The following MYO6 variants were observed in gnomAD, a reference collection of about 807,000 sequenced individuals.
MYO6 encodes myosin VI.
A neutral mutation model predicts 178.7 loss-of-function variants in MYO6; 74 were observed. The observed-to-expected ratio is 0.41, with a 90% CI of 0.34 to 0.50. The LOEUF (loss-of-function observed/expected upper bound fraction) is 0.50. Ranked by LOEUF, MYO6 falls within the 20% of genes least tolerant of loss-of-function variation. The pLI is 0.09. For missense variants in MYO6, 1,330 were observed against 1,547.4 expected (o/e 0.86, Z 2.36); for synonymous variants, 477 against 504.6 (o/e 0.95, Z 0.73).
At chr6:75,753,455 G>GTGTATATATATATATATATA (rs370647728) in intron 1 of MYO6, among the ~76,000 whole-genome samples, 54 of 140,030 alleles carry the variant, frequency 3.9e-4, no homozygotes, top group African/African-American at 1.3e-3. Context: ...GTGTGTGTGT[G>GTGTATATATATATATATATA]TATATATATA....
chr6:75,767,865 A>T (rs999720067), intron 1 of MYO6, among the ~76,000 whole-genome samples: 1 of 151,880 alleles, frequency 6.6e-6, no homozygotes, highest in African/African-American at 2.4e-5. Context: ...TCTTGCATTT[A>T]AAAAAAATGA....
chr6:75,890,018 A>G, intron 25 of MYO6, 39 bp from the exon 26 acceptor site: 3 of 1,426,894 alleles, frequency 2.1e-6, no homozygotes, highest in African/African-American at 1.4e-5. Context: ...CAACAGAAGA[A>G]ATAAGCTTTT....
At chr6:75,905,442 C>T (rs549786036) in intron 30 of MYO6, among the ~76,000 whole-genome samples, 4 of 152,350 alleles carry the variant, frequency 2.6e-5, no homozygotes, top group East Asian at 3.9e-4. Flanking sequence ...TTAAGCCCGT[C>T]GGAAAAGCGC....
chr6:75,766,152 G>A (rs1293042179), intron 1 of MYO6, among the ~76,000 whole-genome samples: 2 of 151,924 alleles, frequency 1.3e-5, no homozygotes, highest in East Asian at 1.9e-4. Flanking sequence ...GCGAAACCCC[G>A]TCTCTACTAA....
chr6:75,776,209 C>G (rs1168435737), intron 1 of MYO6, among the ~76,000 whole-genome samples: 1 of 152,106 alleles, frequency 6.6e-6, no homozygotes, highest in Non-Finnish European at 1.5e-5. Context: ...AATGTCTATT[C>G]AATAAATAAT....
intron 9 of MYO6, among the ~76,000 whole-genome samples, chr6:75,842,567 C>G (rs563310437): frequency 6.6e-6 from 1 of 152,264 alleles, no homozygotes; most frequent in East Asian, 1.9e-4. Context: ...TGTCTTAAAA[C>G]ACTTTATAAA....
At chr6:75,901,163 A>T (rs1429780421) in intron 30 of MYO6, among the ~76,000 whole-genome samples, 2 of 152,084 alleles carry the variant, frequency 1.3e-5, no homozygotes, top group Admixed American at 1.3e-4. Flanking sequence ...GAAGTCAGGT[A>T]GTGTGATGCC....
intron 1 of MYO6, among the ~76,000 whole-genome samples, chr6:75,756,532 C>T (rs1279990021): frequency 2.0e-5 from 3 of 152,090 alleles, no homozygotes; most frequent in East Asian, 3.9e-4. Context: ...GGGGTTTCAC[C>T]ATGTTGGCCA....
chr6:75,792,412 A>G (rs1768339985), intron 1 of MYO6, among the ~76,000 whole-genome samples: 1 of 152,196 alleles, frequency 6.6e-6, no homozygotes, highest in Non-Finnish European at 1.5e-5. Context: ...TTTTTTACAA[A>G]GGGAAAAAAG....
chr6:75,771,046 A>G (rs1765841082), intron 1 of MYO6, among the ~76,000 whole-genome samples: 1 of 140,090 alleles, frequency 7.1e-6, no homozygotes, highest in Non-Finnish European at 1.5e-5. Context: ...TTTGTTGCTT[A>G]GGCTGGAGTG....
At chr6:75,818,047 A>G (rs1038865165) in intron 2 of MYO6, among the ~76,000 whole-genome samples, 1 of 152,236 alleles carries the variant, frequency 6.6e-6, no homozygotes, top group Non-Finnish European at 1.5e-5. Context: ...GTCACAAAGT[A>G]AAAATATGAA....
intron 27 of MYO6, 52 bp downstream of exon 27, chr6:75,891,358 T>C (rs778320712): frequency 6.5e-6 from 9 of 1,388,810 alleles, no homozygotes; most frequent in South Asian, 2.4e-5. Context: ...ACAGGCTGGG[T>C]GTGGTGGCTC....
chr6:75,891,126 C>A, intron 26 of MYO6, 102 bp from the exon 27 acceptor site: 1 of 745,690 alleles, frequency 1.3e-6, no homozygotes, highest in Non-Finnish European at 2.2e-6. Context: ...TTTGCATTCC[C>A]AATCTGTTAC....
chr6:75,813,757 A>G (rs1253430597), intron 1 of MYO6, among the ~76,000 whole-genome samples: 1 of 152,122 alleles, frequency 6.6e-6, no homozygotes, highest in African/African-American at 2.4e-5. Flanking sequence ...CAGGTGATGA[A>G]TTCTGCTGGG....
chr6:75,822,426 TG>T (rs1218915150), intron 2 of MYO6, among the ~76,000 whole-genome samples: 1 of 152,182 alleles, frequency 6.6e-6, no homozygotes, highest in Non-Finnish European at 1.5e-5. Flanking sequence ...ACACTGAAAT[TG>T]CTGTATCTAC....
At chr6:75,774,158 A>G (rs1766147780) in intron 1 of MYO6, among the ~76,000 whole-genome samples, 2 of 152,208 alleles carry the variant, frequency 1.3e-5, no homozygotes, top group Non-Finnish European at 2.9e-5. Flanking sequence ...TCATAGTCCA[A>G]AGCAAATAGT....
rs1385381742 is a variant in MYO6, at chr6:75,848,398, T to G, written c.945T>G (p.Gly315=). Residue 315 remains glycine, a synonymous_variant, in exon 11 of 35, where the codon GGT becomes GGG. Transcript: ENST00000369977. The part of the protein sequence containing the change: ...SMKDPLLDDH[G]DFIRMCTAMK... Reference sequence around the variant, plus strand: ...AAGATCCTCTGCTAGATGACCATGGTGATTTTATTAGAATGTGCACGGCTA... The same window carrying G: ...AAGATCCTCTGCTAGATGACCATGGGGATTTTATTAGAATGTGCACGGCTA... 1.2e-6 allele frequency: 2 copies of G among 1,613,876 alleles called. No individual in the cohort carries two copies. The highest frequency in any genetic ancestry group is 1.7e-6 in the Non-Finnish European group (2 of 1,179,840).
At chr6:75,756,934 ATAGT>A (rs1277764308) in intron 1 of MYO6, among the ~76,000 whole-genome samples, 1 of 146,574 alleles carries the variant, frequency 6.8e-6, no homozygotes, top group African/African-American at 2.5e-5. Flanking sequence ...CACACCATAT[ATAGT>A]GTGTATATAT....
In MYO6 at chr6:75,879,812, G is replaced by C. The variant is rs765259124; in HGVS notation, c.2078-8G>C. The C allele has an allele frequency of 8.7e-6, 14 of 1,614,094 alleles. No individual in the cohort carries two copies. Among genetic ancestry groups the C allele is most frequent in the Non-Finnish European group, 1.2e-5 (14 of 1,179,976 alleles). The stretch of plus-strand genomic sequence containing the variant: ...TTGACAGTGCTTTGTGCTTGTTCGT[G>C]AATCTAGGGATGGTGTCTGTTTTGG... On this transcript the variant is annotated splice_region_variant and splice_polypyrimidine_tract_variant and intron_variant, in intron 20 of 34. Coordinates refer to ENST00000369977, the MANE Select transcript of MYO6 (RefSeq NM_004999.4).
Sources: allele counts gnomAD v4.1 joint callset (sites outside exome capture counted in the v4.1 genomes callset), GRCh38; gene constraint gnomAD v4.1.1; transcripts MANE v1.5; gene names NCBI Gene and HGNC (gene_info 2026-07-23, HGNC 2026-07-21).